Variants in MYO1E observed in about 807,000 individuals in gnomAD.
MYO1E encodes the protein unconventional myosin-Ie.
MYO1E carries 68 observed loss-of-function variants against 151.1 expected under a neutral mutation model. The ratio of observed to expected loss-of-function variants is 0.45; its 90% confidence interval spans 0.37 to 0.55. The LOEUF (loss-of-function observed/expected upper bound fraction) is 0.55. Ranked by LOEUF, MYO1E falls within the 20% of genes least tolerant of loss-of-function variation. The pLI is 0.00. For synonymous variants in MYO1E, 601 were observed against 501.7 expected, an observed-to-expected ratio of 1.20 and a Z score of -2.64; for missense variants, 1,363 against 1,389.3, an observed-to-expected ratio of 0.98 and a Z score of 0.30.
At chr15:59,146,591 C>T (rs368943601) in intron 26 of MYO1E, among the ~76,000 whole-genome samples, 1 of 151,936 alleles carries the variant, frequency 6.6e-6, no homozygotes, top group Non-Finnish European at 1.5e-5. Flanking sequence ...CTGGGATTAA[C>T]GGCATGAGCC....
intron 26 of MYO1E, among the ~76,000 whole-genome samples, chr15:59,142,329 G>C (rs574158181): frequency 6.6e-6 from 1 of 152,154 alleles, no homozygotes; most frequent in South Asian, 2.1e-4. Context: ...TGGAGCCCAA[G>C]TATGGGGGCT....
chr15:59,244,934 C>T (rs2080120854), intron 4 of MYO1E, among the ~76,000 whole-genome samples: 1 of 152,178 alleles, frequency 6.6e-6, no homozygotes, highest in Admixed American at 6.5e-5. Context: ...ATTTTAGCAA[C>T]CAGACTAGAA....
At chr15:59,208,538 T>C (rs2079855545) in intron 14 of MYO1E, 143 bp downstream of exon 14, 2 of 1,032,654 alleles carry the variant, frequency 1.9e-6, no homozygotes. Context: ...TACAATCTTT[T>C]GTTTTGCTTC....
intron 17 of MYO1E, among the ~76,000 whole-genome samples, chr15:59,188,627 C>T (rs1285796620): frequency 6.6e-6 from 1 of 152,132 alleles, no homozygotes; most frequent in Non-Finnish European, 1.5e-5. Context: ...ACCAGGGAGG[C>T]AGAGGCTGCA....
chr15:59,352,320 G>A lies in MYO1E; in HGVS notation c.3+20178C>T, dbSNP rs529810641. Among the ~76,000 whole-genome samples, 9 of 152,278 alleles carry A rather than the reference G, an allele frequency of 5.9e-5. No individual in the cohort carries two copies. The East Asian group carries it at 9.6e-4, about 16-fold the overall frequency. On this transcript the variant is annotated intron_variant, in intron 1 of 27. Coordinates refer to ENST00000288235, the MANE Select transcript of MYO1E (RefSeq NM_004998.4). ...CTTGGAAGATGATATCCTGGAGGGC[G>A]GCCATCACACTTCCTCTGGGGAAGT...
At chr15:59,355,723 CT>C (rs35682759) in intron 1 of MYO1E, among the ~76,000 whole-genome samples, 118,573 of 150,518 alleles carry the variant, frequency 0.79, 47,921 homozygotes, top group Non-Finnish European at 0.89. Flanking sequence ...TTGCCTATTT[CT>C]TTTTTTTTTG....
rs145956187 is a variant in MYO1E at position 59,208,031 on chromosome 15, A to G, written c.1530+650T>C. The G allele has an allele frequency of 8.2e-6, 13 of 1,591,094 alleles. No individual in the cohort carries two copies. The African/African-American group carries it at 1.1e-4, about 13-fold the overall frequency. On this transcript the variant is annotated intron_variant, in intron 14 of 27. Coordinates refer to ENST00000288235, the MANE Select transcript of MYO1E (RefSeq NM_004998.4). ...AAGCTGACCCCTGAAGAAGAGGCCC[A>G]TCTGAAAAAAAGTGCAAAAACACTC...
chr15:59,138,367 C>A lies in MYO1E; in HGVS notation c.3081G>T (p.Gly1027=), dbSNP rs1596337719. Residue 1027 remains glycine, a splice_region_variant and synonymous_variant, in exon 27 of 28, where the codon GGG becomes GGT. Transcript: ENST00000288235. ...FLKVPDQGAA[G]VRRQTTSRPP... ...GCCGACTGGTTGTTTGTCTCCTGAC[C>A]CTGTGGAGAGAGTGGAGCAGATGAG... 3 of 1,613,884 alleles carry A rather than the reference C, an allele frequency of 1.9e-6. No individual in the cohort carries two copies. Among genetic ancestry groups the A allele is most frequent in the Non-Finnish European group, 2.5e-6 (3 of 1,179,912 alleles).
chr15:59,367,341 C>A (rs1322009552), intron 1 of MYO1E, among the ~76,000 whole-genome samples: 1 of 148,968 alleles, frequency 6.7e-6, no homozygotes, highest in Admixed American at 6.7e-5. Flanking sequence ...AGGAAAACGC[C>A]TGAGACAGAC....
At chr15:59,150,135 C>T (rs2079467283) in intron 26 of MYO1E, among the ~76,000 whole-genome samples, 1 of 152,250 alleles carries the variant, frequency 6.6e-6, no homozygotes, top group South Asian at 2.1e-4. Context: ...GTTTGCACAG[C>T]AGATTTAAGG....
chr15:59,280,342 C>T (rs1018765883), intron 1 of MYO1E, among the ~76,000 whole-genome samples: 2 of 152,086 alleles, frequency 1.3e-5, no homozygotes. Context: ...GTCTTATAAT[C>T]AACTGGACGC....
chr15:59,191,370 A>AG (rs1491073271), intron 17 of MYO1E, among the ~76,000 whole-genome samples: 7,917 of 123,110 alleles, frequency 0.064, 338 homozygotes, highest in Admixed American at 0.095. Flanking sequence ...GAGAGAGAGA[A>AG]AGAAATGTCA....
chr15:59,254,711 A>G (rs1336728495), intron 4 of MYO1E, among the ~76,000 whole-genome samples: 2 of 152,238 alleles, frequency 1.3e-5, no homozygotes, highest in African/African-American at 4.8e-5. Context: ...AGAAAAATTA[A>G]CTAAAAAAGA....
At position 59,203,154 on chromosome 15, in the gene MYO1E, T is replaced by G. The variant is rs554949216; in HGVS notation, c.1617-747A>C. On this transcript the variant is annotated intron_variant, in intron 15 of 27. Transcript: ENST00000288235. The stretch of plus-strand genomic sequence containing the variant: ...TGCTCTAGAGCAGAGTTTCTGAGTC[T>G]GGGCACCATTGGTATCTGCGGCTGA... Among the ~76,000 whole-genome samples the G allele has an allele frequency of 9.2e-5, 14 of 152,342 alleles. No individual in the cohort carries two copies. In the South Asian group the frequency reaches 2.7e-3, roughly 29 times the overall value.
chr15:59,371,688 C>T (rs1028587654), intron 1 of MYO1E, among the ~76,000 whole-genome samples: 3 of 152,180 alleles, frequency 2.0e-5, no homozygotes, highest in African/African-American at 7.2e-5. Context: ...GGCGTCTTCC[C>T]GTGCGAAGCG....
chr15:59,246,955 C>T (rs1306670016), intron 4 of MYO1E, among the ~76,000 whole-genome samples: 10 of 152,138 alleles, frequency 6.6e-5, no homozygotes, highest in African/African-American at 2.2e-4. Context: ...GAGAGCATCA[C>T]GGCCAACAAT....
chr15:59,270,611 T>A (rs1447429808), intron 2 of MYO1E, among the ~76,000 whole-genome samples: 3 of 151,302 alleles, frequency 2.0e-5, no homozygotes, highest in African/African-American at 7.3e-5. Context: ...TATATACAAT[T>A]ACTATTTGTC....
At chr15:59,262,677 G>C (rs1329090817) in intron 2 of MYO1E, among the ~76,000 whole-genome samples, 1 of 152,046 alleles carries the variant, frequency 6.6e-6, no homozygotes, top group African/African-American at 2.4e-5. Context: ...TCATAAATAA[G>C]GTAGTTTTCA....
intron 1 of MYO1E, among the ~76,000 whole-genome samples, chr15:59,329,816 C>T (rs1016516824): frequency 2.0e-5 from 3 of 152,286 alleles, no homozygotes; most frequent in South Asian, 2.1e-4. Context: ...ATGGACAGGG[C>T]GGACTGGTAT....
Sources: gnomAD v4.1 joint callset for allele counts (sites outside exome capture counted in the v4.1 genomes callset) on GRCh38, gnomAD v4.1.1 for gene constraint, MANE v1.5 for transcripts, NCBI Gene and HGNC (gene_info 2026-07-23, HGNC 2026-07-21) for gene names.